The following EYA1 variants were observed in gnomAD, a reference collection of about 807,000 sequenced individuals.
EYA1 encodes the protein EYA transcriptional coactivator and phosphatase 1.
In EYA1, 16 loss-of-function variants were observed where a neutral mutation model predicts 82.0. That is an observed-to-expected ratio of 0.20 (90% CI 0.13 to 0.30). The LOEUF (loss-of-function observed/expected upper bound fraction) is 0.30. Ranked by LOEUF, EYA1 falls within the 10% of genes least tolerant of loss-of-function variation. The probability of loss-of-function intolerance (pLI) is 1.00; values close to 1 mark genes in which losing one functional copy is unlikely to be tolerated. For missense variants in EYA1, 633 were observed against 730.7 expected, an observed-to-expected ratio of 0.87 and a Z score of 1.54; for synonymous variants, 261 against 264.4, an observed-to-expected ratio of 0.99 and a Z score of 0.12.
chr8:71,503,018 C>A (rs1176566762), intron 2 of EYA1, among the ~76,000 whole-genome samples: 1 of 152,114 alleles, frequency 6.6e-6, no homozygotes, highest in Non-Finnish European at 1.5e-5. Context: ...CTTCATTATA[C>A]GTATGATACT....
chr8:71,205,766 T>TA (rs1238708688), intron 17 of EYA1, among the ~76,000 whole-genome samples: 2 of 152,106 alleles, frequency 1.3e-5, no homozygotes, highest in East Asian at 1.9e-4. Context: ...TTCTGTGATT[T>TA]AAAAAAAGTA....
At chr8:71,364,813 C>A (rs1827643258), upstream of EYA1, among the ~76,000 whole-genome samples, 2 of 151,250 alleles carry the variant, frequency 1.3e-5, 1 homozygote, top group South Asian at 4.2e-4. Flanking sequence ...TATCACCAAA[C>A]AGGTTTTATG....
At chr8:71,212,560 T>C (rs1367536869) in intron 16 of EYA1, among the ~76,000 whole-genome samples, 2 of 152,228 alleles carry the variant, frequency 1.3e-5, no homozygotes, top group African/African-American at 4.8e-5. Flanking sequence ...AAAAAATCCT[T>C]GCCTATATAC....
intron 7 of EYA1, among the ~76,000 whole-genome samples, chr8:71,300,650 T>C (rs1370812404): frequency 6.6e-6 from 1 of 152,088 alleles, no homozygotes. Context: ...AAATTATAGA[T>C]TTATACAAAG....
intron 2 of EYA1, among the ~76,000 whole-genome samples, chr8:71,519,126 G>A (rs926741074): frequency 9.5e-4 from 145 of 152,250 alleles, no homozygotes; most frequent in African/African-American, 3.3e-3. Context: ...AACGTAGAAT[G>A]TAAGGAAGGA....
chr8:71,363,741 A>G, upstream of EYA1, among the ~76,000 whole-genome samples: 1 of 152,198 alleles, frequency 6.6e-6, no homozygotes, highest in Admixed American at 6.5e-5. Flanking sequence ...ATCAAACAGT[A>G]AATACTTTTG....
intron 2 of EYA1, among the ~76,000 whole-genome samples, chr8:71,406,678 C>A (rs1830254294): frequency 6.6e-6 from 1 of 152,194 alleles, no homozygotes; most frequent in African/African-American, 2.4e-5. Context: ...GCTTAAAAAA[C>A]CGCTCACCAG....
At chr8:71,524,324 C>T (rs1169394150) in intron 2 of EYA1, among the ~76,000 whole-genome samples, 1 of 152,130 alleles carries the variant, frequency 6.6e-6, no homozygotes, top group Non-Finnish European at 1.5e-5. Context: ...AGTGTGAGCA[C>T]TGAGAATGAA....
chr8:71,317,917 G>A (rs1822109046), intron 6 of EYA1, among the ~76,000 whole-genome samples: 1 of 152,004 alleles, frequency 6.6e-6, no homozygotes, highest in Non-Finnish European at 1.5e-5. Context: ...TTGTTTTATT[G>A]CACTTCAAGA....
chr8:71,267,634 C>A (rs538621052), intron 11 of EYA1, among the ~76,000 whole-genome samples: 2 of 152,264 alleles, frequency 1.3e-5, no homozygotes, highest in East Asian at 3.9e-4. Context: ...CTGCAAGCTC[C>A]GCCTCCCAGG....
intron 11 of EYA1, among the ~76,000 whole-genome samples, chr8:71,268,708 C>G (rs955519400): frequency 3.3e-5 from 5 of 152,038 alleles, no homozygotes; most frequent in Admixed American, 3.3e-4. Context: ...TTAGGTGTAC[C>G]TTTGAGATGA....
At chr8:71,249,527 C>T (rs1563692522) in intron 11 of EYA1, among the ~76,000 whole-genome samples, 2 of 152,164 alleles carry the variant, frequency 1.3e-5, no homozygotes, top group South Asian at 2.1e-4. Context: ...GGTAACCATC[C>T]CCATGATTCA....
chr8:71,371,134 C>T (rs1828057418), intron 2 of EYA1, among the ~76,000 whole-genome samples: 2 of 152,070 alleles, frequency 1.3e-5, no homozygotes, highest in South Asian at 4.1e-4. Flanking sequence ...GTAAGGCTAC[C>T]ATAGGAGGAT....
chr8:71,205,235 T>A (rs1807612024), intron 17 of EYA1, among the ~76,000 whole-genome samples: 1 of 152,126 alleles, frequency 6.6e-6, no homozygotes, highest in Non-Finnish European at 1.5e-5. Flanking sequence ...AAACAAGAGA[T>A]TTATTTTAAA....
intron 11 of EYA1, among the ~76,000 whole-genome samples, chr8:71,253,136 T>G (rs916653494): frequency 6.6e-6 from 1 of 152,212 alleles, no homozygotes; most frequent in African/African-American, 2.4e-5. Flanking sequence ...AGGTTTTGTC[T>G]GTGGTCAAGT....
intron 16 of EYA1, among the ~76,000 whole-genome samples, chr8:71,213,525 C>A (rs1398974677): frequency 1.3e-5 from 2 of 152,186 alleles, no homozygotes; most frequent in African/African-American, 4.8e-5. Flanking sequence ...CATAAAAGTT[C>A]TGGTTATAAT....
chr8:71,384,407 G>T (rs1353337090), intron 2 of EYA1, among the ~76,000 whole-genome samples: 1 of 152,074 alleles, frequency 6.6e-6, no homozygotes, highest in Non-Finnish European at 1.5e-5. Flanking sequence ...TATCTCAGAT[G>T]GGGCCTGACC....
At chr8:71,362,595 C>CA (rs1297157428), upstream of EYA1, among the ~76,000 whole-genome samples, 1 of 152,038 alleles carries the variant, frequency 6.6e-6, no homozygotes, top group Non-Finnish European at 1.5e-5. Context: ...AATGAAAAAG[C>CA]AAACGTGCAA....
intron 9 of EYA1, among the ~76,000 whole-genome samples, chr8:71,298,435 A>T (rs1819824440): frequency 6.6e-6 from 1 of 152,240 alleles, no homozygotes; most frequent in Admixed American, 6.5e-5. Context: ...AGTTCTAGAA[A>T]GAAAGAATCA....
Sources: gnomAD v4.1 joint callset for allele counts (sites outside exome capture counted in the v4.1 genomes callset) on GRCh38, gnomAD v4.1.1 for gene constraint, MANE v1.5 for transcripts, NCBI Gene and HGNC (gene_info 2026-07-23, HGNC 2026-07-21) for gene names.